TTC39B: variants seen among roughly 807,000 people sequenced by gnomAD.
TTC39B encodes the protein tetratricopeptide repeat domain 39B.
Under a neutral mutation model 96.6 loss-of-function variants are expected in TTC39B, and 92 were observed. That is an observed-to-expected ratio of 0.95 (90% CI 0.80 to 1.13). The LOEUF (loss-of-function observed/expected upper bound fraction) is 1.13. Ranked by LOEUF, TTC39B falls within the 50% of genes most tolerant of loss-of-function variation. TTC39B has a pLI of 0.00. For synonymous variants in TTC39B, 367 were observed against 299.4 expected (o/e 1.23, Z -2.33); for missense variants, 955 against 809.3 (o/e 1.18, Z -2.18).
chr9:15,291,722 C>A (rs1587020338), intron 1 of TTC39B, among the ~76,000 whole-genome samples: 1 of 152,072 alleles, frequency 6.6e-6, no homozygotes, highest in East Asian at 1.9e-4. Context: ...GTCACTGGAT[C>A]CAAAGTCTCA....
At chr9:15,227,624 T>A (rs998662871) in intron 2 of TTC39B, among the ~76,000 whole-genome samples, 3 of 152,102 alleles carry the variant, frequency 2.0e-5, no homozygotes, top group Non-Finnish European at 4.4e-5. Context: ...CTTCCATAAA[T>A]AAGACTCTGG....
chr9:15,307,099 CT>C lies in TTC39B; in HGVS notation c.224del (p.Glu75GlyfsTer69), dbSNP rs1198177569. ...CGGATCGTACCTCGTCCGCTTCCAGCTCCGCTCGGCTGCCTAAGAGCGCCAT... is the reference window on the plus strand; with the variant it reads ...CGGATCGTACCTCGTCCGCTTCCAGCCCGCTCGGCTGCCTAAGAGCGCCAT... On this transcript the variant is annotated frameshift_variant, in exon 1 of 20. Coordinates refer to ENST00000512701, the Ensembl canonical transcript of TTC39B. LOFTEE classifies it high-confidence loss of function. The C allele has an allele frequency of 6.2e-7, 1 of 1,610,516 alleles. No individual in the cohort carries two copies. The highest frequency in any genetic ancestry group is 8.5e-7 in the Non-Finnish European group (1 of 1,178,458).
chr9:15,292,106 C>T (rs1824208222), intron 1 of TTC39B, among the ~76,000 whole-genome samples: 1 of 152,198 alleles, frequency 6.6e-6, no homozygotes, highest in African/African-American at 2.4e-5. Flanking sequence ...TAGAATTTTA[C>T]AGACAGGAAA....
intron 1 of TTC39B, among the ~76,000 whole-genome samples, chr9:15,288,619 T>C (rs1206552023): frequency 2.0e-5 from 3 of 152,166 alleles, no homozygotes; most frequent in Non-Finnish European, 4.4e-5. Flanking sequence ...TTCAAGTCCA[T>C]GTGCAACCTG....
chr9:15,238,214 C>A (rs1821876758), intron 2 of TTC39B, among the ~76,000 whole-genome samples: 1 of 152,072 alleles, frequency 6.6e-6, no homozygotes, highest in Non-Finnish European at 1.5e-5. Flanking sequence ...AATGAGGACA[C>A]CCACTTTCAC....
chr9:15,257,226 T>C (rs962944451), intron 2 of TTC39B, among the ~76,000 whole-genome samples: 6 of 152,306 alleles, frequency 3.9e-5, no homozygotes, highest in Non-Finnish European at 7.3e-5. Flanking sequence ...ATCTGAATGG[T>C]AATTATGAAA....
intron 16 of TTC39B, 51 bp downstream of exon 16, chr9:15,185,229 G>C: frequency 1.3e-6 from 2 of 1,561,926 alleles, no homozygotes; most frequent in Non-Finnish European, 1.7e-6. Context: ...CCCTGCTGCT[G>C]TGAGTAGGTA....
chr9:15,201,860 A>G (rs567845753), intron 7 of TTC39B, among the ~76,000 whole-genome samples: 1 of 152,198 alleles, frequency 6.6e-6, no homozygotes, highest in African/African-American at 2.4e-5. Context: ...TACTCAATCA[A>G]TCAGAGCTAC....
At chr9:15,182,899 T>C (rs1818320655) in intron 16 of TTC39B, among the ~76,000 whole-genome samples, 1 of 152,158 alleles carries the variant, frequency 6.6e-6, no homozygotes, top group African/African-American at 2.4e-5. Context: ...AGTAATGTAA[T>C]CCAATATGCA....
chr9:15,169,261 C>G (rs1211262392), exon 20 of TTC39B: 1 of 152,158 alleles, frequency 6.6e-6, no homozygotes, highest in South Asian at 2.1e-4. Flanking sequence ...TCCTATATAA[C>G]TTGGAAACTT....
intron 3 of TTC39B, 66 bp from the exon 4 acceptor site, chr9:15,214,315 AGTGTGTGTGT>A (rs199807096): frequency 6.5e-5 from 48 of 732,932 alleles, no homozygotes; most frequent in Middle Eastern, 2.9e-4. Flanking sequence ...GTCCGAAGGG[AGTGTGTGTGT>A]GTGTGTGTGT....
Position 15,203,984 on chromosome 9 carries a change from C to T in TTC39B, c.692-94G>A. 8 of 1,117,732 alleles carry T rather than the reference C, an allele frequency of 7.2e-6. No homozygotes were observed. The South Asian group carries it at 1.2e-4, about 16-fold the overall frequency. 69.2% of individuals were successfully genotyped at this position (1,117,732 alleles called of 1,614,324 possible). On this transcript the variant is annotated intron_variant, in intron 6 of 19. Coordinates refer to ENST00000512701, the Ensembl canonical transcript of TTC39B. ...GGAAAGACTGGCAGAAAAATGAACC[C>T]AAGAGAGACCCCAAAACTTAGATTG...
intron 1 of TTC39B, among the ~76,000 whole-genome samples, chr9:15,302,098 G>A (rs1431229205): frequency 6.6e-6 from 1 of 152,002 alleles, no homozygotes; most frequent in African/African-American, 2.4e-5. Context: ...CAAGGCGGGT[G>A]GATCACTTGG....
At chr9:15,303,790 C>A (rs1418782067) in intron 1 of TTC39B, among the ~76,000 whole-genome samples, 1 of 152,020 alleles carries the variant, frequency 6.6e-6, no homozygotes, top group African/African-American at 2.4e-5. Flanking sequence ...CGCCACCACG[C>A]CCAGCTAATT....
At chr9:15,182,278 G>T (rs1303091098) in intron 17 of TTC39B, 29 bp downstream of exon 17, 5 of 1,436,682 alleles carry the variant, frequency 3.5e-6, no homozygotes, top group Non-Finnish European at 4.8e-6. Context: ...AGAGACAAAG[G>T]CTCCTCGGTG....
At chr9:15,236,833 G>A (rs1007482946) in intron 2 of TTC39B, among the ~76,000 whole-genome samples, 3 of 152,118 alleles carry the variant, frequency 2.0e-5, no homozygotes, top group South Asian at 2.1e-4. Context: ...AGTGCTAAGC[G>A]GAAAGTTTAT....
chr9:15,233,752 G>C lies in TTC39B; in HGVS notation c.276-7740C>G, dbSNP rs558254348. Among the ~76,000 whole-genome samples the C allele has an allele frequency of 2.6e-5, 4 of 152,334 alleles. 1 individual carries two copies. The highest frequency in any genetic ancestry group is 2.0e-4 in the Admixed American group (3 of 15,308). On this transcript the variant is annotated intron_variant, in intron 2 of 19. Coordinates refer to ENST00000512701, the Ensembl canonical transcript of TTC39B. ...CTGCCTTGGCCTCCCAAAGAGCCGA[G>C]ATTGCAGCCTCTGCCCGGCCGCCAC...
chr9:15,238,882 A>G (rs920519192), intron 2 of TTC39B, among the ~76,000 whole-genome samples: 1 of 152,336 alleles, frequency 6.6e-6, no homozygotes. Context: ...GCAACTAAGG[A>G]GGCTTAAGTG....
At chr9:15,246,913 T>C (rs929686245) in intron 2 of TTC39B, among the ~76,000 whole-genome samples, 1 of 152,278 alleles carries the variant, frequency 6.6e-6, no homozygotes, top group East Asian at 1.9e-4. Context: ...GTTATTGTTT[T>C]AAGTCTACTA....
Sources: gnomAD v4.1 joint callset for allele counts (sites outside exome capture counted in the v4.1 genomes callset) on GRCh38, gnomAD v4.1.1 for gene constraint, MANE v1.5 for transcripts, NCBI Gene and HGNC (gene_info 2026-07-23, HGNC 2026-07-21) for gene names.